ITIH5: variants seen among roughly 807,000 people sequenced by gnomAD.
ITIH5 encodes inter-alpha-trypsin inhibitor heavy chain H5.
ITIH5 carries 65 observed loss-of-function variants against 77.5 expected under a neutral mutation model. The ratio of observed to expected loss-of-function variants is 0.84; its 90% CI spans 0.69 to 1.03. The LOEUF (loss-of-function observed/expected upper bound fraction) is 1.03. Among genes scored for constraint, ITIH5 ranks in the 50% least tolerant of loss-of-function variants. The pLI is 0.00. For missense variants in ITIH5, 1,208 were observed against 1,213.1 expected, an observed-to-expected ratio of 1.00 and a Z score of 0.06; for synonymous variants, 525 against 494.3, an observed-to-expected ratio of 1.06 and a Z score of -0.82.
chr10:7,573,896 G>A (rs548300876), intron 10 of ITIH5, among the ~76,000 whole-genome samples: 29 of 152,220 alleles, frequency 1.9e-4, no homozygotes, highest in African/African-American at 5.8e-4. Context: ...CATTTCAGAC[G>A]TGCAAGATGG....
chr10:7,565,070 GTA>G (rs138314369), intron 13 of ITIH5, among the ~76,000 whole-genome samples: 1 of 135,912 alleles, frequency 7.4e-6, no homozygotes, highest in South Asian at 2.3e-4. Context: ...CACATAGACT[GTA>G]TATATATATA....
At chr10:7,604,591 G>A (rs7095305) in intron 7 of ITIH5, among the ~76,000 whole-genome samples, 147,874 of 152,320 alleles carry the variant, frequency 0.97, 71,872 homozygotes, top group Middle Eastern at 1. Context: ...CAAGTTATCT[G>A]GTCCAAAACA....
intron 2 of ITIH5, among the ~76,000 whole-genome samples, chr10:7,653,976 G>A (rs556967483): frequency 6.6e-6 from 1 of 152,318 alleles, no homozygotes; most frequent in South Asian, 2.1e-4. Context: ...CCAACATGGT[G>A]AAACCCCATC....
At chr10:7,575,188 T>C (rs888842865) in intron 10 of ITIH5, among the ~76,000 whole-genome samples, 5 of 152,238 alleles carry the variant, frequency 3.3e-5, no homozygotes, top group Admixed American at 2.0e-4. Context: ...CAAAACTCAC[T>C]GTGTGCCCAC....
At chr10:7,565,329 CACAT>C (rs1378182249) in intron 13 of ITIH5, among the ~76,000 whole-genome samples, 3 of 149,366 alleles carry the variant, frequency 2.0e-5, no homozygotes, top group Non-Finnish European at 4.5e-5. Flanking sequence ...ACACACATCA[CACAT>C]ACAAAGATGG....
At chr10:7,601,279 C>T (rs1207791566) in intron 7 of ITIH5, among the ~76,000 whole-genome samples, 1 of 152,120 alleles carries the variant, frequency 6.6e-6, no homozygotes, top group East Asian at 1.9e-4. Flanking sequence ...AGAACTTCCT[C>T]TTCTTTACCC....
intron 7 of ITIH5, among the ~76,000 whole-genome samples, chr10:7,606,795 T>C (rs1833134942): frequency 6.6e-6 from 1 of 152,188 alleles, no homozygotes; most frequent in Non-Finnish European, 1.5e-5. Flanking sequence ...ATATACTTCA[T>C]CCGGGTAAAT....
intron 6 of ITIH5, 48 bp from the exon 7 acceptor site, chr10:7,616,146 G>T: frequency 9.3e-7 from 1 of 1,074,078 alleles, no homozygotes; most frequent in Non-Finnish European, 1.4e-6. Flanking sequence ...AGAGCGGGGA[G>T]CAAAAATACC....
chr10:7,562,782 A>C lies in ITIH5; in HGVS notation c.*301T>G, dbSNP rs911705814. ...TAACAGAACAGAAAAGCAGGTTGGG[A>C]CAAGATACAGACTTTGTTGCATTTA... On this transcript the variant is annotated 3_prime_UTR_variant, in exon 14 of 14. Coordinates refer to ENST00000397146, the MANE Select transcript of ITIH5 (RefSeq NM_030569.7). 2 of 380,558 alleles carry C rather than the reference A, an allele frequency of 5.3e-6. No individual in the cohort carries two copies. The highest frequency in any genetic ancestry group is 4.9e-6 in the Non-Finnish European group (1 of 205,556). The allele number at this position is 380,558 out of a possible 1,614,324, so 23.6% of individuals were successfully genotyped here. A position where few individuals can be genotyped will look rare whatever the true frequency, so the allele number is the denominator to read the frequency against.
At chr10:7,565,076 A>ATATATG (rs905083972) in intron 13 of ITIH5, among the ~76,000 whole-genome samples, 25 of 146,044 alleles carry the variant, frequency 1.7e-4, no homozygotes, top group African/African-American at 6.3e-4. Context: ...GACTGTATAT[A>ATATATG]TATATATACA....
intron 12 of ITIH5, among the ~76,000 whole-genome samples, chr10:7,567,344 T>TTATTAC (rs1425192722): frequency 6.7e-6 from 1 of 148,402 alleles, no homozygotes; most frequent in Non-Finnish European, 1.5e-5. Flanking sequence ...ATTATTATTA[T>TTATTAC]TATTATTATT....
chr10:7,656,008 T>C (rs1484019841), intron 1 of ITIH5, among the ~76,000 whole-genome samples: 1 of 152,148 alleles, frequency 6.6e-6, no homozygotes, highest in East Asian at 1.9e-4. Flanking sequence ...TTTCATTTTA[T>C]TTGGGGCCTC....
At chr10:7,566,838 G>GAA (rs1832184715) in intron 12 of ITIH5, among the ~76,000 whole-genome samples, 2 of 12,028 alleles carry the variant, frequency 1.7e-4, no homozygotes, top group African/African-American at 4.1e-4. Context: ...AAGAGGAAGA[G>GAA]GAAGAGGAAG....
intron 7 of ITIH5, among the ~76,000 whole-genome samples, chr10:7,612,067 A>G (rs1006833978): frequency 6.6e-6 from 1 of 152,170 alleles, no homozygotes; most frequent in Non-Finnish European, 1.5e-5. Context: ...TACCAAACCC[A>G]CAAATGAATT....
In ITIH5 at chr10:7,561,352, T is replaced by G. The variant is rs962807928; in HGVS notation, c.*1731A>C. On this transcript the variant is annotated 3_prime_UTR_variant, in exon 14 of 14. Transcript: ENST00000397146. The stretch of plus-strand genomic sequence containing the variant: ...GGCCACCTGGCTCCAGGGCTGTCTG[T>G]CCAGCTGGGATTTACATAATAGGAA... 8 of 152,246 alleles carry G rather than the reference T, an allele frequency of 5.3e-5. No individual in the cohort carries two copies. The allele number at this position is 152,246 out of a possible 1,614,324, so 9.4% of individuals were successfully genotyped here.
chr10:7,582,024 C>A (rs4749029), intron 8 of ITIH5, among the ~76,000 whole-genome samples: 1 of 150,744 alleles, frequency 6.6e-6, no homozygotes, highest in Non-Finnish European at 1.5e-5. Flanking sequence ...TACAGGCACA[C>A]GCCACCATGC....
intron 7 of ITIH5, among the ~76,000 whole-genome samples, chr10:7,588,075 T>C (rs555884824): frequency 6.6e-6 from 1 of 152,372 alleles, no homozygotes; most frequent in East Asian, 1.9e-4. Context: ...CTATTCTCAA[T>C]GCATCTATTT....
At chr10:7,655,454 A>C (rs1313098534) in intron 2 of ITIH5, among the ~76,000 whole-genome samples, 177 bp downstream of exon 2, 1 of 152,194 alleles carries the variant, frequency 6.6e-6, no homozygotes, top group Admixed American at 6.5e-5. Context: ...AAAAAGAAAA[A>C]AAAAATCCAC....
At chr10:7,574,926 G>A (rs10458813) in intron 10 of ITIH5, among the ~76,000 whole-genome samples, 80,300 of 151,706 alleles carry the variant, frequency 0.53, 21,440 homozygotes, top group East Asian at 0.77. Flanking sequence ...GGAGATTTGC[G>A]CTGATGACCT....
Sources: allele counts gnomAD v4.1 joint callset (sites outside exome capture counted in the v4.1 genomes callset), GRCh38; gene constraint gnomAD v4.1.1; transcripts MANE v1.5; gene names NCBI Gene and HGNC (gene_info 2026-07-23, HGNC 2026-07-21).